ABCC9: variants seen among roughly 807,000 people sequenced by gnomAD.
ABCC9 encodes the protein ATP-binding cassette sub-family C member 9.
A neutral mutation model predicts 188.3 loss-of-function variants in ABCC9; 95 were observed. The ratio of observed to expected loss-of-function variants is 0.50; its 90% CI spans 0.43 to 0.60. The LOEUF (loss-of-function observed/expected upper bound fraction) is 0.60, where lower values mean the gene tolerates loss of function less well. ABCC9 is among the 20% of genes least tolerant of loss of function. The pLI is 0.00. For synonymous variants in ABCC9, 659 were observed against 652.7 expected (o/e 1.01, Z -0.15); for missense variants, 1,102 against 1,876.3 (o/e 0.59, Z 7.62).
At chr12:21,933,098 G>C (rs929008786) in intron 4 of ABCC9, among the ~76,000 whole-genome samples, 1 of 151,612 alleles carries the variant, frequency 6.6e-6, no homozygotes, top group Non-Finnish European at 1.5e-5. Flanking sequence ...GATGGAGCTG[G>C]AGGCCATTAT....
intron 24 of ABCC9, among the ~76,000 whole-genome samples, chr12:21,848,721 C>A (rs1944814244): frequency 6.6e-6 from 1 of 152,102 alleles, no homozygotes; most frequent in South Asian, 2.1e-4. Flanking sequence ...GTTTCTTTAG[C>A]ATCTCACTAA....
chr12:21,892,017 C>G (rs1947183500), intron 14 of ABCC9, among the ~76,000 whole-genome samples: 1 of 152,218 alleles, frequency 6.6e-6, no homozygotes, highest in Non-Finnish European at 1.5e-5. Flanking sequence ...AATTCAACCA[C>G]TGAAACTCAT....
At chr12:21,850,217 A>G (rs1944892268) in intron 24 of ABCC9, among the ~76,000 whole-genome samples, 1 of 151,468 alleles carries the variant, frequency 6.6e-6, no homozygotes, top group African/African-American at 2.4e-5. Context: ...AATGTTGCCA[A>G]ATGTCCTCTA....
rs1565732042 is a variant in ABCC9 at position 21,845,846 on chromosome 12, A to T, written c.2867-14T>A. ...CCTCTTCTTCCTCTACATACAAAAA[A>T]CTTTTGTTTAAGCTTCAGATGGGCA... On this transcript the variant is annotated splice_polypyrimidine_tract_variant and intron_variant, in intron 25 of 39. Coordinates refer to ENST00000261200, the MANE Select transcript of ABCC9 (RefSeq NM_020297.4). The T allele has an allele frequency of 1.9e-6, 3 of 1,606,760 alleles. No homozygotes were observed. Among genetic ancestry groups the T allele is most frequent in the Admixed American group, 1.7e-5 (1 of 59,808 alleles).
At chr12:21,865,721 G>A (rs574985529) in intron 18 of ABCC9, among the ~76,000 whole-genome samples, 1 of 152,228 alleles carries the variant, frequency 6.6e-6, no homozygotes, top group Admixed American at 6.5e-5. Flanking sequence ...TATGGATTAA[G>A]AATTCATCAA....
chr12:21,880,568 A>G (rs150820817), intron 16 of ABCC9, among the ~76,000 whole-genome samples: 2,828 of 152,276 alleles, frequency 0.019, 45 homozygotes, highest in Middle Eastern at 0.078. Flanking sequence ...GAGAAATCCA[A>G]ACTCAAACCC....
Position 21,809,842 on chromosome 12 carries a change from G to A in ABCC9, c.4315+10C>T. 6.6e-7 allele frequency: 1 copy of A among 1,524,140 alleles called. No individual in the cohort carries two copies. The highest frequency in any genetic ancestry group is 9.1e-7 in the Non-Finnish European group (1 of 1,100,672). 94.4% of individuals were successfully genotyped at this position (1,524,140 alleles called of 1,614,324 possible). ...ATATAAAAAATAAATATGCTATTTAGGAAATATACCTAGACCTCCAGGTAG... is the reference window on the plus strand; with the variant it reads ...ATATAAAAAATAAATATGCTATTTAAGAAATATACCTAGACCTCCAGGTAG... On this transcript the variant is annotated intron_variant, in intron 37 of 39. Transcript: ENST00000261200.
At chr12:21,801,622 G>T (rs1941438704) in intron 39 of ABCC9, among the ~76,000 whole-genome samples, 4 of 152,288 alleles carry the variant, frequency 2.6e-5, no homozygotes, top group South Asian at 4.1e-4. Context: ...TTAGTTCCGG[G>T]ATGACAATAT....
At chr12:21,931,811 A>C (rs947625955) in intron 4 of ABCC9, among the ~76,000 whole-genome samples, 7 of 152,178 alleles carry the variant, frequency 4.6e-5, no homozygotes, top group Non-Finnish European at 1.0e-4. Flanking sequence ...CATTTTAAAC[A>C]GTTACCAACA....
At chr12:21,862,640 T>C (rs1204778012) in intron 20 of ABCC9, among the ~76,000 whole-genome samples, 2 of 152,116 alleles carry the variant, frequency 1.3e-5, no homozygotes, top group Admixed American at 1.3e-4. Context: ...TTTCCTTCTC[T>C]ATCTTCTCAC....
intron 5 of ABCC9, among the ~76,000 whole-genome samples, chr12:21,919,052 A>G (rs1350527608): frequency 1.3e-5 from 2 of 152,144 alleles, no homozygotes; most frequent in African/African-American, 4.8e-5. Context: ...AGTACAACTA[A>G]AATAAGACTC....
chr12:21,831,582 C>T (rs912998212), intron 30 of ABCC9, among the ~76,000 whole-genome samples: 2 of 151,990 alleles, frequency 1.3e-5, no homozygotes, highest in South Asian at 4.1e-4. Context: ...TTGCACCAAG[C>T]AGAGGATCAG....
intron 6 of ABCC9, 150 bp from the exon 7 acceptor site, chr12:21,916,060 T>C (rs1251193998): frequency 2.5e-6 from 2 of 805,950 alleles, no homozygotes; most frequent in African/African-American, 1.7e-5. Context: ...AAATATTCTT[T>C]GAGATATTTC....
intron 19 of ABCC9, 30 bp downstream of exon 19, chr12:21,864,409 A>G (rs576850475): frequency 9.3e-6 from 14 of 1,501,186 alleles, no homozygotes; most frequent in African/African-American, 8.3e-5. Context: ...AGTTATTCTT[A>G]TTAAACTCAG....
chr12:21,938,881 A>G (rs1420705234), intron 2 of ABCC9, among the ~76,000 whole-genome samples: 1 of 152,220 alleles, frequency 6.6e-6, no homozygotes, highest in Non-Finnish European at 1.5e-5. Context: ...CAATCACCTG[A>G]AAAATTTAAG....
intron 29 of ABCC9, among the ~76,000 whole-genome samples, chr12:21,841,704 C>A (rs1052577190): frequency 6.6e-6 from 1 of 151,792 alleles, no homozygotes; most frequent in Non-Finnish European, 1.5e-5. Context: ...AGAAAAAGGA[C>A]CATGGAGTGA....
chr12:21,895,462 T>C (rs1947354343), intron 12 of ABCC9, 147 bp from the exon 13 acceptor site: 1 of 704,000 alleles, frequency 1.4e-6, no homozygotes, highest in Non-Finnish European at 2.5e-6. Context: ...CCACAAACAT[T>C]TACCAGTTAA....
intron 24 of ABCC9, among the ~76,000 whole-genome samples, chr12:21,850,732 CT>C (rs1944920510): frequency 6.6e-6 from 1 of 152,114 alleles, no homozygotes; most frequent in Non-Finnish European, 1.5e-5. Context: ...TTTACGTCAT[CT>C]TCTTTTGTCC....
chr12:21,899,071 G>A (rs1171385033), intron 12 of ABCC9, among the ~76,000 whole-genome samples: 1 of 152,080 alleles, frequency 6.6e-6, no homozygotes, highest in Non-Finnish European at 1.5e-5. Flanking sequence ...AAAAAACAAA[G>A]TGTATCTCAC....
Sources: allele counts gnomAD v4.1 joint callset (sites outside exome capture counted in the v4.1 genomes callset), GRCh38; gene constraint gnomAD v4.1.1; transcripts MANE v1.5; gene names NCBI Gene and HGNC (gene_info 2026-07-23, HGNC 2026-07-21).